The following PAFAH1B1 variants were observed in gnomAD, a reference collection of about 807,000 sequenced individuals.
PAFAH1B1 encodes the protein platelet activating factor acetylhydrolase 1b regulatory subunit 1, also known as platelet-activating factor acetylhydrolase IB subunit beta.
Under a neutral mutation model 57.5 loss-of-function variants are expected in PAFAH1B1, and 2 were observed. The observed-to-expected ratio is 0.03, with a 90% CI of 0.01 to 0.11. The LOEUF is 0.11. Ranked by LOEUF, PAFAH1B1 falls within the 10% of genes least tolerant of loss-of-function variation. The pLI is 1.00. For synonymous variants in PAFAH1B1, 152 were observed against 169.6 expected, an observed-to-expected ratio of 0.90 and a Z score of 0.81; for missense variants, 257 against 512.0, an observed-to-expected ratio of 0.50 and a Z score of 4.81.
At chr17:2,649,972 T>C (rs2068826617) in intron 2 of PAFAH1B1, among the ~76,000 whole-genome samples, 1 of 152,050 alleles carries the variant, frequency 6.6e-6, no homozygotes, top group African/African-American at 2.4e-5. Flanking sequence ...CAGTATAAAG[T>C]GGTAGAGAAA....
intron 1 of PAFAH1B1, among the ~76,000 whole-genome samples, chr17:2,631,629 T>G (rs2068556255): frequency 1.3e-5 from 2 of 152,104 alleles, no homozygotes; most frequent in African/African-American, 2.4e-5. Flanking sequence ...CTAGTGGGGG[T>G]GTGTGCTCAG....
At position 2,683,378 on chromosome 17, in the gene PAFAH1B1, A is replaced by T. The variant is rs892113597; in HGVS notation, c.*1576A>T. 6.6e-6 allele frequency: 1 copy of T among 152,238 alleles called. No homozygotes were observed. The highest frequency in any genetic ancestry group is 2.4e-5 in the African/African-American group (1 of 41,474). The allele number at this position is 152,238 out of a possible 1,614,324, so 9.4% of individuals were successfully genotyped here. ...AGATAACAGTGACAGTTTAACAAAG[A>T]TAAAATTCTGAACTGCGTTTTATTC... On this transcript the variant is annotated 3_prime_UTR_variant, in exon 11 of 11. Transcript: ENST00000397195.
In PAFAH1B1 at chr17:2,612,688, T is replaced by C. The variant is rs185446814; in HGVS notation, c.-191+18682T>C. ...CAGTGGCCTGAACACGGCTTCTCTG[T>C]AGCCTTGACTTCCTAGGCTCAAGCA... is the stretch of plus-strand genomic sequence containing the variant. On this transcript the variant is annotated intron_variant, in intron 1 of 10. Coordinates refer to ENST00000397195, the MANE Select transcript of PAFAH1B1 (RefSeq NM_000430.4). Among the ~76,000 whole-genome samples, 198 of 152,216 alleles carry C rather than the reference T, an allele frequency of 1.3e-3. 1 individual carries two copies. In the East Asian group the frequency reaches 0.028, roughly 22 times the overall value.
chr17:2,602,198 A>G (rs2068151589), intron 1 of PAFAH1B1, among the ~76,000 whole-genome samples: 1 of 152,018 alleles, frequency 6.6e-6, no homozygotes, highest in South Asian at 2.1e-4. Context: ...CTTGGGCTAA[A>G]TAAGTGTTCT....
chr17:2,663,064 G>T (rs2069040639), intron 2 of PAFAH1B1, among the ~76,000 whole-genome samples: 1 of 152,118 alleles, frequency 6.6e-6, no homozygotes, highest in African/African-American at 2.4e-5. Context: ...GGTGAGCCAA[G>T]ATCACGCCAT....
chr17:2,662,292 T>A (rs1395140569), intron 2 of PAFAH1B1, among the ~76,000 whole-genome samples: 1 of 152,156 alleles, frequency 6.6e-6, no homozygotes, highest in East Asian at 1.9e-4. Context: ...ATCTGTTTGC[T>A]CATGGATAAA....
chr17:2,651,403 C>A (rs964330423), intron 2 of PAFAH1B1, among the ~76,000 whole-genome samples: 1 of 147,988 alleles, frequency 6.8e-6, no homozygotes, highest in Non-Finnish European at 1.5e-5. Context: ...ATGGCAAAAC[C>A]CCGTCTCTAC....
intron 2 of PAFAH1B1, among the ~76,000 whole-genome samples, chr17:2,664,665 G>GCTCGCTCGCTCTCTCTCTCTCT (rs1555526142): frequency 1.2e-5 from 1 of 86,028 alleles, no homozygotes; most frequent in African/African-American, 3.9e-5. Flanking sequence ...TCTATCTATC[G>GCTCGCTCGCTCTCTCTCTCTCT]CTCTCTCTCT....
intron 1 of PAFAH1B1, among the ~76,000 whole-genome samples, chr17:2,610,483 A>G (rs1024740444): frequency 1.3e-5 from 2 of 152,248 alleles, no homozygotes; most frequent in African/African-American, 2.4e-5. Context: ...CAAAATAACT[A>G]GATAGTTCAG....
At chr17:2,615,004 A>G (rs368439585) in intron 1 of PAFAH1B1, among the ~76,000 whole-genome samples, 2 of 151,942 alleles carry the variant, frequency 1.3e-5, no homozygotes, top group South Asian at 2.1e-4. Context: ...TTGGCCGTCC[A>G]TATCCATGGG....
intron 5 of PAFAH1B1, among the ~76,000 whole-genome samples, chr17:2,668,931 G>A (rs1323047271): frequency 1.3e-5 from 2 of 151,972 alleles, no homozygotes; most frequent in Non-Finnish European, 2.9e-5. Flanking sequence ...AGCCAAGATC[G>A]CGCCACTGCA....
At chr17:2,668,959 A>G (rs1467502957) in intron 5 of PAFAH1B1, among the ~76,000 whole-genome samples, 1 of 152,054 alleles carries the variant, frequency 6.6e-6, no homozygotes, top group Non-Finnish European at 1.5e-5. Context: ...CTGGGCGACA[A>G]GAGTGAGACA....
chr17:2,621,443 A>C (rs544950792), intron 1 of PAFAH1B1, among the ~76,000 whole-genome samples: 2 of 152,330 alleles, frequency 1.3e-5, no homozygotes, highest in East Asian at 3.9e-4. Flanking sequence ...CCAGCTTATC[A>C]GGAAACATTG....
At chr17:2,636,625 C>T (rs999994428) in intron 1 of PAFAH1B1, among the ~76,000 whole-genome samples, 2 of 152,114 alleles carry the variant, frequency 1.3e-5, no homozygotes, top group Admixed American at 1.3e-4. Context: ...TCGCAAACTC[C>T]TCACCTCAAG....
chr17:2,648,904 T>TC (rs1243654408), intron 2 of PAFAH1B1, among the ~76,000 whole-genome samples: 18 of 144,450 alleles, frequency 1.2e-4, no homozygotes, highest in Non-Finnish European at 1.6e-4. Flanking sequence ...AGTTCCTGTG[T>TC]CTCTGCATCT....
intron 10 of PAFAH1B1, among the ~76,000 whole-genome samples, chr17:2,680,555 T>C (rs1283730910): frequency 6.6e-6 from 1 of 152,208 alleles, no homozygotes; most frequent in African/African-American, 2.4e-5. Context: ...TGCACAACAT[T>C]GGTTTTGGAA....
rs141595223 is a variant in PAFAH1B1 at position 2,628,296 on chromosome 17, T to C, written c.-190-9803T>C. 4.3e-3 allele frequency among the ~76,000 whole-genome samples: 655 copies of C among 152,332 alleles called. 1 individual carries two copies. The highest frequency in any genetic ancestry group is 0.014 in the African/African-American group (566 of 41,574). On this transcript the variant is annotated intron_variant, in intron 1 of 10. Transcript: ENST00000397195. ...TTTAATTATAAAGGGATTCTGGATT[T>C]TGTTGAACGCTTTTTCTACATCTAT...
At chr17:2,629,311 C>T (rs1362649034) in intron 1 of PAFAH1B1, among the ~76,000 whole-genome samples, 1 of 152,108 alleles carries the variant, frequency 6.6e-6, no homozygotes, top group East Asian at 1.9e-4. Flanking sequence ...TCATTCAGTT[C>T]AAAGAATTTT....
At chr17:2,654,954 C>CT (rs563890350) in intron 2 of PAFAH1B1, among the ~76,000 whole-genome samples, 8,239 of 133,794 alleles carry the variant, frequency 0.062, 741 homozygotes, top group African/African-American at 0.2. Flanking sequence ...TTTTTTTCTT[C>CT]TTTTTTTTTT....
Sources: gnomAD v4.1 joint callset for allele counts (sites outside exome capture counted in the v4.1 genomes callset) on GRCh38, gnomAD v4.1.1 for gene constraint, MANE v1.5 for transcripts, NCBI Gene and HGNC (gene_info 2026-07-23, HGNC 2026-07-21) for gene names.